HPSE2: variants seen among roughly 807,000 people sequenced by gnomAD.
The protein encoded by HPSE2 is inactive heparanase-2.
HPSE2 carries 38 observed loss-of-function variants against 60.5 expected under a neutral mutation model. That is an observed-to-expected ratio of 0.63 (90% confidence interval 0.48 to 0.82). The LOEUF is 0.82. Ranked by LOEUF, HPSE2 falls within the 40% of genes least tolerant of loss-of-function variation. The pLI, the probability that HPSE2 is intolerant of heterozygous loss-of-function variation, is 0.00. For synonymous variants in HPSE2, 295 were observed against 293.2 expected (o/e 1.01, Z -0.06); for missense variants, 713 against 740.4 (o/e 0.96, Z 0.43).
the HPSE2 span, among the ~76,000 whole-genome samples, chr10:99,308,108 C>T: frequency 3.9e-5 from 6 of 151,990 alleles, no homozygotes; most frequent in East Asian, 3.9e-4. Flanking sequence ...AAACAATCGG[C>T]CAGGTGCGGT....
chr10:98,655,193 T>G lies in HPSE2; in HGVS notation c.1005-13253A>C, dbSNP rs191107388. Among the ~76,000 whole-genome samples, 4 of 152,142 alleles carry G rather than the reference T, an allele frequency of 2.6e-5. No individual in the cohort carries two copies. In the East Asian group the frequency reaches 7.7e-4, roughly 29 times the overall value. On this transcript the variant is annotated intron_variant, in intron 6 of 11. Coordinates refer to ENST00000370552, the MANE Select transcript of HPSE2 (RefSeq NM_021828.5). ...CTAGAGGGGGCTAGAGTGTGGGGAA[T>G]GCCCTTTCTCATCTGGGATAAGGCT...
chr10:98,488,672 T>TG lies in HPSE2; in HGVS notation c.1466+1378dup, dbSNP rs568950965. On this transcript the variant is annotated intron_variant, in intron 10 of 11. Coordinates refer to ENST00000370552, the MANE Select transcript of HPSE2 (RefSeq NM_021828.5). ...AAGAGTAATTTTTCTATCTCGAGTC[T>TG]GGGGGTCCACCTTTTGGGTGGTTAC... Among the ~76,000 whole-genome samples the TG allele has an allele frequency of 1.6e-3, 240 of 152,336 alleles. 1 individual carries two copies. The highest frequency in any genetic ancestry group is 5.6e-3 in the African/African-American group (233 of 41,572).
the HPSE2 span, among the ~76,000 whole-genome samples, chr10:99,261,426 G>C: frequency 6.6e-6 from 1 of 152,138 alleles, no homozygotes; most frequent in Non-Finnish European, 1.5e-5. Flanking sequence ...GAGGTGGCTG[G>C]AACTAAAGGC....
At chr10:98,474,647 G>GA (rs1009132921) in intron 11 of HPSE2, among the ~76,000 whole-genome samples, 24 of 150,196 alleles carry the variant, frequency 1.6e-4, no homozygotes, top group African/African-American at 4.9e-4. Flanking sequence ...GTGGAAAAAG[G>GA]AAAAAAAAAG....
intron 9 of HPSE2, among the ~76,000 whole-genome samples, chr10:98,554,516 A>C (rs1943949567): frequency 6.6e-6 from 1 of 152,168 alleles, no homozygotes; most frequent in Admixed American, 6.5e-5. Flanking sequence ...TAAAATTTTA[A>C]GTTCTTTGTG....
At chr10:98,633,179 A>G (rs1245558835) in intron 7 of HPSE2, among the ~76,000 whole-genome samples, 1 of 151,812 alleles carries the variant, frequency 6.6e-6, no homozygotes, top group African/African-American at 2.4e-5. Context: ...CTTTCTTATG[A>G]TTTTATTTTC....
At chr10:98,838,360 G>A (rs1362720741) in intron 3 of HPSE2, among the ~76,000 whole-genome samples, 1 of 152,048 alleles carries the variant, frequency 6.6e-6, no homozygotes, top group African/African-American at 2.4e-5. Flanking sequence ...AATGTACAGA[G>A]AGCCTGGCAC....
At chr10:98,721,904 TCTGC>T in intron 4 of HPSE2, 76 bp from the exon 5 acceptor site, 1 of 1,168,234 alleles carries the variant, frequency 8.6e-7, no homozygotes, top group Non-Finnish European at 1.3e-6. Context: ...CACAGATCTC[TCTGC>T]CTTTTTCTTA....
chr10:98,880,252 C>A (rs1952986601), intron 3 of HPSE2, among the ~76,000 whole-genome samples: 1 of 151,958 alleles, frequency 6.6e-6, no homozygotes, highest in South Asian at 2.1e-4. Flanking sequence ...AAATAATCAT[C>A]AGTTACTCCT....
chr10:98,580,836 A>ATATATATATATATATATGTGTGTG, intron 9 of HPSE2, among the ~76,000 whole-genome samples: 1 of 119,530 alleles, frequency 8.4e-6, no homozygotes, highest in African/African-American at 3.6e-5. Context: ...ATATATATAT[A>ATATATATATATATATATGTGTGTG]TGTGTGTGTG....
intron 3 of HPSE2, among the ~76,000 whole-genome samples, chr10:99,079,897 A>T (rs1353680901): frequency 6.6e-6 from 1 of 152,062 alleles, no homozygotes; most frequent in Non-Finnish European, 1.5e-5. Context: ...GAAGTCCCCA[A>T]AAAAGTTGGA....
At chr10:98,914,022 C>T (rs1404808207) in intron 3 of HPSE2, among the ~76,000 whole-genome samples, 1 of 152,074 alleles carries the variant, frequency 6.6e-6, no homozygotes, top group African/African-American at 2.4e-5. Flanking sequence ...ATTCCTTCAA[C>T]AAAAATAAGA....
chr10:98,475,947 A>T (rs1378011124), intron 11 of HPSE2, among the ~76,000 whole-genome samples: 1 of 152,048 alleles, frequency 6.6e-6, no homozygotes, highest in African/African-American at 2.4e-5. Flanking sequence ...TAGAAATACC[A>T]TTTGACCCAG....
intron 11 of HPSE2, among the ~76,000 whole-genome samples, chr10:98,473,371 G>C (rs1940859326): frequency 6.6e-6 from 1 of 151,586 alleles, no homozygotes; most frequent in African/African-American, 2.4e-5. Flanking sequence ...TGTAGTCCCA[G>C]CTACTCAGGA....
At chr10:99,094,540 A>ATATATATT (rs1843646305) in intron 3 of HPSE2, among the ~76,000 whole-genome samples, 2 of 26,612 alleles carry the variant, frequency 7.5e-5, no homozygotes, top group African/African-American at 1.7e-4. Context: ...ATATATATAT[A>ATATATATT]TTTTTTTTTT....
At chr10:98,898,684 G>A (rs1279172697) in intron 3 of HPSE2, among the ~76,000 whole-genome samples, 1 of 152,032 alleles carries the variant, frequency 6.6e-6, no homozygotes, top group Non-Finnish European at 1.5e-5. Flanking sequence ...AAATAAAACA[G>A]CACACAAAAG....
At chr10:98,658,912 GTTT>G (rs11358600) in intron 6 of HPSE2, among the ~76,000 whole-genome samples, 1 of 140,194 alleles carries the variant, frequency 7.1e-6, no homozygotes, top group African/African-American at 2.6e-5. Flanking sequence ...TACTGGCAGA[GTTT>G]TTTTTTTTTT....
intron 3 of HPSE2, among the ~76,000 whole-genome samples, chr10:98,811,225 G>C (rs1951162104): frequency 6.6e-6 from 1 of 152,070 alleles, no homozygotes; most frequent in South Asian, 2.1e-4. Flanking sequence ...TTGAAGCCTA[G>C]TTTAAGTCTC....
At chr10:98,835,957 A>C (rs10883216) in intron 3 of HPSE2, among the ~76,000 whole-genome samples, 5,758 of 152,266 alleles carry the variant, frequency 0.038, 235 homozygotes, top group East Asian at 0.17. Context: ...CATGTAATCA[A>C]ACTGAACTCG....
Sources: allele counts gnomAD v4.1 joint callset (sites outside exome capture counted in the v4.1 genomes callset), GRCh38; gene constraint gnomAD v4.1.1; transcripts MANE v1.5; gene names NCBI Gene and HGNC (gene_info 2026-07-23, HGNC 2026-07-21).